Variants in PDCD6 observed in about 807,000 individuals in gnomAD.
PDCD6 encodes the protein programmed cell death 6, also known as programmed cell death protein 6.
PDCD6 carries 12 observed loss-of-function variants against 28.3 expected under a neutral mutation model. The observed-to-expected ratio is 0.42, with a 90% CI of 0.27 to 0.69. PDCD6 has a LOEUF of 0.69. PDCD6 is among the 30% of genes least tolerant of loss of function. PDCD6 has a pLI of 0.22. For synonymous variants in PDCD6, 92 were observed against 108.0 expected, an observed-to-expected ratio of 0.85 and a Z score of 0.92; for missense variants, 226 against 269.9, an observed-to-expected ratio of 0.84 and a Z score of 1.14.
chr5:308,665 T>C (rs1740690186), intron 4 of PDCD6: 1 of 152,238 alleles, frequency 6.6e-6, no homozygotes, highest in South Asian at 2.1e-4. Context: ...AAAATTCTTC[T>C]TTTGTCTTGG....
intron 4 of PDCD6, chr5:310,400 A>C (rs1478410461): frequency 2.0e-5 from 3 of 152,490 alleles, no homozygotes; most frequent in Non-Finnish European, 4.4e-5. Flanking sequence ...TGAGATTCAG[A>C]GAGTAGGTGC....
intron 2 of PDCD6, chr5:288,917 A>G (rs1739153424): frequency 5.7e-6 from 9 of 1,582,374 alleles, no homozygotes; most frequent in Admixed American, 1.8e-5. Context: ...CTCCAGTTTT[A>G]CTGGAATTAG....
intron 2 of PDCD6, chr5:289,773 C>G: frequency 1.0e-6 from 1 of 1,004,870 alleles, no homozygotes; most frequent in Non-Finnish European, 1.6e-6. Context: ...TGGGGGCTGA[C>G]AAAGAAACCT....
At chr5:313,896 G>A (rs4957018) in intron 5 of PDCD6, 103,335 of 156,624 alleles carry the variant, frequency 0.66, 34,706 homozygotes, top group African/African-American at 0.72. Context: ...CCCTGTTTCA[G>A]GAGTGTAGGT....
At chr5:271,845 A>G in intron 1 of PDCD6, 24 bp downstream of exon 1, 9 of 1,289,090 alleles carry the variant, frequency 7.0e-6, no homozygotes, top group Non-Finnish European at 9.1e-6. Flanking sequence ...CCGCCCGGGC[A>G]CCTCCCGCCT....
rs145450222 is a variant in PDCD6, at chr5:303,908, G to A, written c.164-269G>A. Among the ~76,000 whole-genome samples the A allele has an allele frequency of 8.8e-3, 1,340 of 151,520 alleles. 10 individuals are homozygous for A. Among genetic ancestry groups the A allele is most frequent in the Admixed American group, 0.012 (185 of 15,280 alleles). On this transcript the variant is annotated intron_variant, in intron 2 of 5. Coordinates refer to ENST00000264933, the MANE Select transcript of PDCD6 (RefSeq NM_013232.4). ...TTTCTTGGTTATCTGTTAAATAAGA[G>A]TGCATGTCCAGCCGCGATGACTGTG...
intron 2 of PDCD6, among the ~76,000 whole-genome samples, chr5:279,294 C>T (rs1476130535): frequency 1.3e-5 from 2 of 152,108 alleles, no homozygotes; most frequent in Admixed American, 1.3e-4. Context: ...TGACTTGCTT[C>T]TGCCAACGAG....
At chr5:295,643 G>A (rs1223344226) in intron 2 of PDCD6, among the ~76,000 whole-genome samples, 1 of 144,960 alleles carries the variant, frequency 6.9e-6, no homozygotes, top group Non-Finnish European at 1.5e-5. Context: ...GTCCTCAGGA[G>A]CCTTTTTTTT....
At chr5:276,833 A>G (rs1738227087) in intron 2 of PDCD6, 1 of 985,416 alleles carries the variant, frequency 1.0e-6, no homozygotes, top group Non-Finnish European at 1.2e-6. Context: ...ACTTGTTTGC[A>G]CAGGAGAGCT....
intron 2 of PDCD6, among the ~76,000 whole-genome samples, chr5:298,265 A>G (rs1462064949): frequency 1.3e-5 from 2 of 152,052 alleles, no homozygotes; most frequent in African/African-American, 4.8e-5. Flanking sequence ...GGCTTTGAAG[A>G]TCATTTCACT....
intron 1 of PDCD6, 37 bp downstream of exon 1, chr5:271,858 G>T: frequency 8.3e-7 from 1 of 1,201,790 alleles, no homozygotes; most frequent in Middle Eastern, 3.0e-4. Flanking sequence ...TCCCGCCTCC[G>T]CCGCGGCGGC....
At chr5:306,925 G>A (rs531556026) in intron 4 of PDCD6, among the ~76,000 whole-genome samples, 165 bp downstream of exon 4, 52 of 152,294 alleles carry the variant, frequency 3.4e-4, no homozygotes, top group Middle Eastern at 3.4e-3. Context: ...GTCGGAAGGC[G>A]ATCCTCGACA....
In PDCD6 at chr5:271,769, G is replaced by A; in HGVS notation, c.49G>A (p.Ala17Thr). 1 of 1,495,622 alleles carries A rather than the reference G, an allele frequency of 6.7e-7. No individual in the cohort carries two copies. Among genetic ancestry groups the A allele is most frequent in the Non-Finnish European group, 8.9e-7 (1 of 1,129,174 alleles). The allele number at this position is 1,495,622 out of a possible 1,614,324, so 92.6% of individuals were successfully genotyped here. A position where few individuals can be genotyped will look rare whatever the true frequency, so the allele number is the denominator to read the frequency against. Residue 17 changes from alanine to threonine, a missense_variant, in exon 1 of 6, where the codon GCT becomes ACT. Transcript: ENST00000264933. The part of the protein sequence containing the change: ...RPGPGAGPGP[A>T]AGAALPDQSF... ...CGGCCCTGGGGCCGGCCCTGGGCCT[G>A]CTGCAGGCGCGGCGCTGCCGGACCA...
rs185851382 is a variant in PDCD6, at chr5:298,064, G to A, written c.164-6113G>A. ...AGGGTAGAGTCCCACAGACCACAGC[G>A]TCCAGCTCTGCTATCGATATCAGGG... On this transcript the variant is annotated intron_variant, in intron 2 of 5. Coordinates refer to ENST00000264933, the MANE Select transcript of PDCD6 (RefSeq NM_013232.4). 5.8e-4 allele frequency among the ~76,000 whole-genome samples: 88 copies of A among 152,268 alleles called. No individual in the cohort carries two copies. In the East Asian group the frequency reaches 0.013, roughly 22 times the overall value.
intron 2 of PDCD6, chr5:276,911 C>T: frequency 4.1e-6 from 4 of 985,166 alleles, no homozygotes; most frequent in Non-Finnish European, 4.8e-6. Flanking sequence ...GTTCTCTGCC[C>T]TTCTTTTTGC....
chr5:279,439 T>C (rs1738426149), intron 2 of PDCD6, among the ~76,000 whole-genome samples: 1 of 151,608 alleles, frequency 6.6e-6, no homozygotes, highest in Non-Finnish European at 1.5e-5. Flanking sequence ...ATGAGAGGCG[T>C]GTGGAGCAGG....
At chr5:298,623 G>A (rs1202224199) in intron 2 of PDCD6, among the ~76,000 whole-genome samples, 2 of 122,438 alleles carry the variant, frequency 1.6e-5, no homozygotes, top group Non-Finnish European at 3.5e-5. Context: ...AGCGGACCCT[G>A]CCCCCACCCA....
rs866506780 is a variant in PDCD6 at position 280,117 on chromosome 5, G to A, written c.163+7345G>A. 6.6e-5 allele frequency among the ~76,000 whole-genome samples: 10 copies of A among 151,784 alleles called. 1 individual carries two copies. The Middle Eastern group carries it at 0.027, about 413-fold the overall frequency. On this transcript the variant is annotated intron_variant, in intron 2 of 5. Coordinates refer to ENST00000264933, the MANE Select transcript of PDCD6 (RefSeq NM_013232.4). ...AGAAGAGCCTGTGCAAAAGCCAGCG[G>A]GGCGAGAGGACACCATGTGTTCATC...
intron 2 of PDCD6, among the ~76,000 whole-genome samples, chr5:300,977 C>T (rs1740013320): frequency 2.0e-5 from 3 of 152,354 alleles, no homozygotes; most frequent in East Asian, 3.9e-4. Context: ...GCACCTGAGC[C>T]TCCCTGTGCC....
Sources: allele counts gnomAD v4.1 joint callset (sites outside exome capture counted in the v4.1 genomes callset), GRCh38; gene constraint gnomAD v4.1.1; transcripts MANE v1.5; gene names NCBI Gene and HGNC (gene_info 2026-07-23, HGNC 2026-07-21).